The following SLC5A11 variants were observed in gnomAD, a reference collection of about 807,000 sequenced individuals.
SLC5A11 encodes solute carrier family 5 member 11.
Under a neutral mutation model 69.8 loss-of-function variants are expected in SLC5A11, and 48 were observed. That is an observed-to-expected ratio of 0.69 (90% CI 0.55 to 0.87). SLC5A11 has a LOEUF of 0.87. Ranked by LOEUF, SLC5A11 falls within the 40% of genes least tolerant of loss-of-function variation. The pLI is 0.00. For missense variants in SLC5A11, 784 were observed against 866.1 expected (o/e 0.91, Z 1.19); for synonymous variants, 319 against 342.4 (o/e 0.93, Z 0.75).
rs578140677 is a variant in SLC5A11, at chr16:24,872,152, T to C, written c.313-8T>C. On this transcript the variant is annotated splice_polypyrimidine_tract_variant and splice_region_variant and intron_variant, in intron 4 of 15. Coordinates refer to ENST00000347898, the Ensembl canonical transcript of SLC5A11. The stretch of plus-strand genomic sequence containing the variant: ...GGGGCCAAGTCCTGACTGTGTTTTC[T>C]TGAGCAGGGCTTGTTTTCTGTGCTG... 7.6e-5 allele frequency: 122 copies of C among 1,614,064 alleles called. No homozygotes were observed. The highest frequency in any genetic ancestry group is 5.2e-4 in the South Asian group (47 of 91,088).
At chr16:24,894,795 G>C (rs932211409) in intron 9 of SLC5A11, among the ~76,000 whole-genome samples, 2 of 148,116 alleles carry the variant, frequency 1.4e-5, no homozygotes, top group East Asian at 2.0e-4. Context: ...GCGAGACTCC[G>C]TCCCAAAAAA....
intron 7 of SLC5A11, 30 bp from the exon 9 acceptor site, chr16:24,884,021 T>A (rs1250494125): frequency 6.2e-7 from 1 of 1,609,232 alleles, no homozygotes; most frequent in Non-Finnish European, 8.5e-7. Flanking sequence ...TTAGACTCCC[T>A]GACCCTCACC....
At chr16:24,881,383 T>C (rs1406917181) in intron 7 of SLC5A11, among the ~76,000 whole-genome samples, 6 of 151,982 alleles carry the variant, frequency 3.9e-5, no homozygotes, top group African/African-American at 1.4e-4. Context: ...ATCTCCCAGG[T>C]TCAAGTGATT....
At chr16:24,857,435 T>A (rs554932074) in intron 1 of SLC5A11, among the ~76,000 whole-genome samples, 1 of 152,330 alleles carries the variant, frequency 6.6e-6, no homozygotes, top group African/African-American at 2.4e-5. Flanking sequence ...AACATAAATT[T>A]ATGACCTTAC....
At chr16:24,858,115 G>A (rs1395392767) in intron 1 of SLC5A11, among the ~76,000 whole-genome samples, 2 of 152,212 alleles carry the variant, frequency 1.3e-5, no homozygotes, top group Non-Finnish European at 2.9e-5. Flanking sequence ...TAAACACTTA[G>A]AATGATGCCC....
Position 24,869,897 on chromosome 16 carries a change from AC to A in SLC5A11, c.208-3del. 2.5e-6 allele frequency: 4 copies of A among 1,612,566 alleles called. No homozygotes were observed. The highest frequency in any genetic ancestry group is 3.4e-6 in the Non-Finnish European group (4 of 1,178,592). On this transcript the variant is annotated splice_region_variant and splice_polypyrimidine_tract_variant and intron_variant, in intron 3 of 15. Coordinates refer to ENST00000347898, the Ensembl canonical transcript of SLC5A11. ...CAAGATCTGACCCGTCCATCTCCCC[AC>A]AGGTGGGTGCATCCTTGTTTGCCAG... is the stretch of plus-strand genomic sequence containing the variant.
At chr16:24,852,780 G>A (rs957357041) in intron 1 of SLC5A11, among the ~76,000 whole-genome samples, 113 of 152,344 alleles carry the variant, frequency 7.4e-4, no homozygotes, top group African/African-American at 2.7e-3. Flanking sequence ...CACAGTTGTT[G>A]CTTAATAAAT....
intron 10 of SLC5A11, among the ~76,000 whole-genome samples, 154 bp from the exon 12 acceptor site, chr16:24,906,499 CGTAA>C (rs1007721171): frequency 1.3e-5 from 2 of 152,112 alleles, no homozygotes; most frequent in Non-Finnish European, 2.9e-5. Context: ...TCTCAGAAAG[CGTAA>C]GTAACAAGGT....
exon 3 of SLC5A11, chr16:24,862,640 T>G (rs746886096): frequency 1.2e-6 from 2 of 1,613,714 alleles, no homozygotes; most frequent in South Asian, 2.2e-5. Context: ...GAAAGGCTAC[T>G]TCCTGGCTGG....
At chr16:24,858,888 G>A in intron 2 of SLC5A11, 110 bp downstream of exon 3, 1 of 1,358,584 alleles carries the variant, frequency 7.4e-7, no homozygotes, top group Non-Finnish European at 9.8e-7. Flanking sequence ...GTGAGAGGAA[G>A]AAACTAACAC....
At chr16:24,881,666 A>G (rs1194869941) in intron 7 of SLC5A11, among the ~76,000 whole-genome samples, 2 of 152,140 alleles carry the variant, frequency 1.3e-5, no homozygotes, top group African/African-American at 2.4e-5. Flanking sequence ...ACACCCCATG[A>G]GCAATGCAGG....
chr16:24,886,989 A>G (rs1258951061), intron 8 of SLC5A11, among the ~76,000 whole-genome samples: 1 of 152,198 alleles, frequency 6.6e-6, no homozygotes, highest in Non-Finnish European at 1.5e-5. Flanking sequence ...GAATCCAGAC[A>G]GAAAAAATGT....
chr16:24,906,901 ACGTCCTGCAGGAAGCTCTGCCCCGC>A (rs1237727946), intron 11 of SLC5A11, 99 bp from the exon 13 acceptor site: 9 of 1,443,892 alleles, frequency 6.2e-6, no homozygotes, highest in Non-Finnish European at 7.6e-6. Context: ...AAGAAAGGCT[ACGTCCTGCAGGAAGCTCTGCCCCGC>A]CGTCCTCCCT....
intron 10 of SLC5A11, among the ~76,000 whole-genome samples, chr16:24,900,541 A>T (rs529689057): frequency 3.2e-4 from 49 of 152,284 alleles, no homozygotes; most frequent in African/African-American, 1.2e-3. Context: ...ATCCAGAGGG[A>T]GTTAAGAACT....
chr16:24,901,965 C>T (rs1358403097), intron 10 of SLC5A11, among the ~76,000 whole-genome samples: 1 of 140,016 alleles, frequency 7.1e-6, no homozygotes, highest in Admixed American at 7.2e-5. Context: ...CACGCACACA[C>T]ACACACACAC....
chr16:24,906,642 G>C lies in SLC5A11; in HGVS notation c.1007-15G>C. 1.3e-6 allele frequency: 2 copies of C among 1,590,752 alleles called. No homozygotes were observed. Among genetic ancestry groups the C allele is most frequent in the Non-Finnish European group, 1.7e-6 (2 of 1,165,932 alleles). ...GGCCTGACTGCTCACCTCTGGGCCT[G>C]TGTTTCCTTCGTAGATCAAGTGGCC... On this transcript the variant is annotated splice_polypyrimidine_tract_variant and intron_variant, in intron 10 of 15. Coordinates refer to ENST00000347898, the Ensembl canonical transcript of SLC5A11.
rs1002801669 is a variant in SLC5A11, at chr16:24,884,241, T to C, written c.664+110T>C. 4.8e-6 allele frequency: 5 copies of C among 1,043,978 alleles called. No individual in the cohort carries two copies. The Admixed American group carries it at 6.4e-5, about 13-fold the overall frequency. The allele number at this position is 1,043,978 out of a possible 1,614,324, so 64.7% of individuals were successfully genotyped here. Reference sequence around the variant, plus strand: ...ACCTAGCTGTCAAAGAGCATACTACTGGGGAATTTTTTGTCACAGGTGCTT... The same window carrying C: ...ACCTAGCTGTCAAAGAGCATACTACCGGGGAATTTTTTGTCACAGGTGCTT... On this transcript the variant is annotated intron_variant, in intron 8 of 15. Transcript: ENST00000347898.
At chr16:24,856,428 G>T (rs2059531382) in intron 1 of SLC5A11, among the ~76,000 whole-genome samples, 2 of 151,892 alleles carry the variant, frequency 1.3e-5, no homozygotes, top group Admixed American at 1.3e-4. Flanking sequence ...TTCAAGGCCA[G>T]CCTGGGGAAC....
chr16:24,870,222 G>A (rs544683661), intron 4 of SLC5A11, among the ~76,000 whole-genome samples: 169 of 148,148 alleles, frequency 1.1e-3, no homozygotes, highest in Non-Finnish European at 2.1e-3. Flanking sequence ...GCGAAACCCC[G>A]TCTCTACTAA....
Sources: allele counts gnomAD v4.1 joint callset (sites outside exome capture counted in the v4.1 genomes callset), GRCh38; gene constraint gnomAD v4.1.1; transcripts MANE v1.5; gene names NCBI Gene and HGNC (gene_info 2026-07-23, HGNC 2026-07-21).